Variants in CSPG5 observed in about 807,000 individuals in gnomAD.
CSPG5 encodes chondroitin sulfate proteoglycan 5, also known as acidic leucine-rich EGF-like domain-containing brain protein.
Under a neutral mutation model 39.8 loss-of-function variants are expected in CSPG5, and 25 were observed. The ratio of observed to expected loss-of-function variants is 0.63; its 90% CI spans 0.46 to 0.88. CSPG5 has a LOEUF of 0.88. CSPG5 is among the 40% of genes least tolerant of loss of function. The pLI is 0.00. For missense variants in CSPG5, 627 were observed against 702.2 expected (o/e 0.89, Z 1.21); for synonymous variants, 295 against 303.9 (o/e 0.97, Z 0.31).
chr3:47,576,723 G>A (rs2031751791), intron 2 of CSPG5, 110 bp downstream of exon 2: 1 of 1,265,238 alleles, frequency 7.9e-7, no homozygotes, highest in Non-Finnish European at 1.1e-6. Context: ...GCCTCCCAAA[G>A]TGCTGGGATT....
intron 4 of CSPG5, among the ~76,000 whole-genome samples, chr3:47,568,704 A>G (rs974068459): frequency 1.3e-5 from 2 of 152,294 alleles, no homozygotes; most frequent in African/African-American, 4.8e-5. Flanking sequence ...GAAGCTAAAA[A>G]TCATGAGTAA....
In CSPG5 at chr3:47,577,140, C is replaced by T; in HGVS notation, c.886G>A (p.Asp296Asn). The T allele has an allele frequency of 1.2e-6, 2 of 1,613,868 alleles. No individual in the cohort carries two copies. Among genetic ancestry groups the T allele is most frequent in the Non-Finnish European group, 1.7e-6 (2 of 1,179,938 alleles). The change falls in exon 2 of 5, where the codon GAT (aspartate) becomes AAT (asparagine). Residue 296 changes from aspartate to asparagine, a missense_variant. Physicochemically the swap from Asp to Asn is conservative, Grantham distance 23 (BLOSUM62 1). Coordinates refer to ENST00000264723, the MANE Select transcript of CSPG5 (RefSeq NM_006574.4). The surrounding 1 kb of genome is among the most constrained non-coding windows in gnomAD (Gnocchi z 4.7). ...GTGGGCACTAGAAGCTCATTTTCAT[C>T]TTCTAGGTCTCCACCTCCTACTGCA... ...KDAVGGGDLE[D>N]ENELLVPTGK... is the part of the protein sequence containing the mutation.
chr3:47,575,770 G>A (rs79745512), intron 2 of CSPG5, among the ~76,000 whole-genome samples: 1,546 of 151,860 alleles, frequency 0.01, 23 homozygotes, highest in African/African-American at 0.035. Flanking sequence ...CCCTCCTCCC[G>A]CCGAGCACAA....
chr3:47,578,994 C>A (rs1408240500), upstream of CSPG5: 1 of 152,858 alleles, frequency 6.5e-6, no homozygotes, highest in Non-Finnish European at 1.5e-5. This position sits in a 1 kb window ranked among gnomAD's most constrained non-coding sequence, Gnocchi z 6.0. Flanking sequence ...AACAGACAGA[C>A]CCCTCGCTGG....
Position 47,576,962 on chromosome 3 carries a change from T to G in CSPG5, c.1064A>C (p.Asn355Thr). 1 of 1,613,730 alleles carries G rather than the reference T, an allele frequency of 6.2e-7. No homozygotes were observed. Among genetic ancestry groups the G allele is most frequent in the South Asian group, 1.1e-5 (1 of 91,052 alleles). Reference protein sequence around the residue: ...EPGRDLASSENGTECRSGFVR... With the variant: ...EPGRDLASSETGTECRSGFVR... ...AAAGCCACTGCGGCACTCAGTGCCA[T>G]TTTCACTGGAGGCCAAGTCCCTGCC... The change falls in exon 2 of 5, where the codon AAT (asparagine) becomes ACT (threonine). Residue 355 changes from asparagine (N) to threonine (T), a missense_variant. Physicochemically the swap from Asn to Thr is moderately conservative, Grantham distance 65 (BLOSUM62 0). Transcript: ENST00000264723.
At position 47,577,045 on chromosome 3, in the gene CSPG5, G is replaced by T; in HGVS notation, c.981C>A (p.His327Gln). The T allele has an allele frequency of 3.1e-6, 5 of 1,613,542 alleles. No homozygotes were observed. The highest frequency in any genetic ancestry group is 4.2e-6 in the Non-Finnish European group (5 of 1,179,880). ...TGCTGCCGGGGACCGACCCCAGAGTGTGCTGTGGAGGGACAGCATGCCACC... is the reference window on the plus strand; with the variant it reads ...TGCTGCCGGGGACCGACCCCAGAGTTTGCTGTGGAGGGACAGCATGCCACC... The part of the protein sequence containing the change: ...TSRWHAVPPQ[H>Q]TLGSVPGSSI... Residue 327 changes from histidine to glutamine, a missense_variant, in exon 2 of 5, where the codon CAC (histidine) becomes CAA (glutamine). By Grantham distance (24) the His-to-Gln change is conservative. Coordinates refer to ENST00000264723, the MANE Select transcript of CSPG5 (RefSeq NM_006574.4). This position sits in a 1 kb window ranked among gnomAD's most constrained non-coding sequence, Gnocchi z 4.7.
rs1180428975 is a variant in CSPG5 at position 47,569,201 on chromosome 3, T to C, written c.1409A>G (p.His470Arg). 1 of 1,613,540 alleles carries C rather than the reference T, an allele frequency of 6.2e-7. No individual in the cohort carries two copies. The change falls in exon 4 of 5, where the codon CAC becomes CGC. Residue 470 changes from histidine (H) to arginine (R), a missense_variant. By Grantham distance (29) the His-to-Arg change is conservative. Transcript: ENST00000264723. ...TNKFRTPSEL[H>R]NDNFSLSTIA... is the part of the protein sequence containing the mutation. ...GGTGGAGAGGGAGAAGTTATCATTGTGGAGCTCAGATGGGGTCCGGAATTT... is the reference window on the plus strand; with the variant it reads ...GGTGGAGAGGGAGAAGTTATCATTGCGGAGCTCAGATGGGGTCCGGAATTT...
chr3:47,566,152 T>C (rs2031292171), intron 4 of CSPG5, among the ~76,000 whole-genome samples: 1 of 152,044 alleles, frequency 6.6e-6, no homozygotes, highest in African/African-American at 2.4e-5. Context: ...ATTGCGACAG[T>C]GTAGGAAAAT....
At position 47,577,932 on chromosome 3, in the gene CSPG5, C is replaced by T. The variant is rs1013823755; in HGVS notation, c.98-4G>A. On this transcript the variant is annotated splice_polypyrimidine_tract_variant and splice_region_variant and intron_variant, in intron 1 of 4. Coordinates refer to ENST00000264723, the MANE Select transcript of CSPG5 (RefSeq NM_006574.4). This position sits in a 1 kb window ranked among gnomAD's most constrained non-coding sequence, Gnocchi z 4.7. ...ACCGCGCTGCCCGCCTCACGCGCTG[C>T]GGGCGGGAGGGCAAGGGGCGGGACG... 1.4e-6 allele frequency: 2 copies of T among 1,420,754 alleles called. No homozygotes were observed. Among genetic ancestry groups the T allele is most frequent in the East Asian group, 2.8e-5 (1 of 36,012 alleles). The allele number at this position is 1,420,754 out of a possible 1,614,324, so 88.0% of individuals were successfully genotyped here.
rs199594550 is a variant in CSPG5, at chr3:47,577,027, G to A, written c.999C>T (p.Pro333=). Reference sequence around the variant, plus strand: ...GGGGCCTGAGGGCGATGCTGCTGCCGGGGACCGACCCCAGAGTGTGCTGTG... The same window carrying A: ...GGGGCCTGAGGGCGATGCTGCTGCCAGGGACCGACCCCAGAGTGTGCTGTG... ...VPPQHTLGSV[P]GSSIALRPRP... Residue 333 remains proline, a synonymous_variant, in exon 2 of 5, where the codon CCC becomes CCT. Coordinates refer to ENST00000264723, the MANE Select transcript of CSPG5 (RefSeq NM_006574.4). The surrounding 1 kb of genome is among the most constrained non-coding windows in gnomAD (Gnocchi z 4.7). The A allele has an allele frequency of 3.0e-5, 48 of 1,612,758 alleles. 2 individuals are homozygous for A. Among genetic ancestry groups the A allele is most frequent in the African/African-American group, 2.7e-4 (20 of 75,066 alleles).
intron 3 of CSPG5, 87 bp from the exon 4 acceptor site, chr3:47,569,314 T>C (rs889098049): frequency 5.6e-6 from 8 of 1,422,444 alleles, no homozygotes; most frequent in Admixed American, 1.9e-5. Context: ...GATCAAATAC[T>C]GTATTTCGGC....
intron 4 of CSPG5, among the ~76,000 whole-genome samples, chr3:47,564,187 C>T (rs1484211454): frequency 6.6e-6 from 1 of 152,176 alleles, no homozygotes; most frequent in East Asian, 1.9e-4. Context: ...TTCAAGATTA[C>T]CATCATGCTT....
At position 47,562,564 on chromosome 3, in the gene CSPG5, A is replaced by T; in HGVS notation, c.*36T>A. 1 of 1,011,856 alleles carries T rather than the reference A, an allele frequency of 9.9e-7. No homozygotes were observed. The highest frequency in any genetic ancestry group is 1.5e-6 in the Non-Finnish European group (1 of 675,432). 62.7% of individuals were successfully genotyped at this position (1,011,856 alleles called of 1,614,324 possible). ...GATAATGTTTCTTCCCCTACCCCCC[A>T]CCCACTACCCCCGCTTCCTCTCTTC... On this transcript the variant is annotated 3_prime_UTR_variant, in exon 5 of 5. Coordinates refer to ENST00000264723, the MANE Select transcript of CSPG5 (RefSeq NM_006574.4).
rs2108209766 is a variant in CSPG5 at position 47,577,312 on chromosome 3, G to A, written c.714C>T (p.His238=). The change falls in exon 2 of 5, where the codon CAC becomes CAT. Residue 238 remains histidine, a synonymous_variant. Coordinates refer to ENST00000264723, the MANE Select transcript of CSPG5 (RefSeq NM_006574.4). The surrounding 1 kb of genome is among the most constrained non-coding windows in gnomAD (Gnocchi z 4.7). ...FPGSPGTSEN[H]PDTEGETPSW... ...AAGGGGTCTCTCCCTCAGTATCAGGGTGGTTCTCTGAGGTTCCTGGTGACC... is the reference window on the plus strand; with the variant it reads ...AAGGGGTCTCTCCCTCAGTATCAGGATGGTTCTCTGAGGTTCCTGGTGACC... The A allele has an allele frequency of 1.9e-6, 3 of 1,613,900 alleles. No individual in the cohort carries two copies. The highest frequency in any genetic ancestry group is 2.5e-6 in the Non-Finnish European group (3 of 1,179,902).
Position 47,577,626 on chromosome 3 carries a change from G to T in CSPG5, c.400C>A (p.Leu134Ile). The T allele has an allele frequency of 6.2e-7, 1 of 1,610,648 alleles. No individual in the cohort carries two copies. The highest frequency in any genetic ancestry group is 8.5e-7 in the Non-Finnish European group (1 of 1,179,502). Reference protein sequence around the residue: ...PATLQAPHEVLGQSIMPPAIP... With the variant: ...PATLQAPHEVIGQSIMPPAIP... Reference sequence around the variant, plus strand: ...GCAGGGGGCATGATTGACTGCCCGAGGACCTCGTGGGGAGCCTGGAGCGTA... The same window carrying T: ...GCAGGGGGCATGATTGACTGCCCGATGACCTCGTGGGGAGCCTGGAGCGTA... The change falls in exon 2 of 5, where the codon CTC becomes ATC. Residue 134 changes from leucine (L) to isoleucine (I), a missense_variant. Coordinates refer to ENST00000264723, the MANE Select transcript of CSPG5 (RefSeq NM_006574.4). The surrounding 1 kb of genome is among the most constrained non-coding windows in gnomAD (Gnocchi z 4.7).
intron 4 of CSPG5, 23 bp downstream of exon 4, chr3:47,569,129 G>A (rs1352202326): frequency 1.9e-6 from 3 of 1,603,882 alleles, no homozygotes; most frequent in African/African-American, 1.3e-5. Context: ...GGAGGTACGG[G>A]GAGTGTTGCA....
chr3:47,576,732 T>C (rs2031751988), intron 2 of CSPG5, 101 bp downstream of exon 2: 6 of 1,346,652 alleles, frequency 4.5e-6, no homozygotes, highest in Non-Finnish European at 6.1e-6. Flanking sequence ...AGTGCTGGGA[T>C]TACAGGCGTG....
intron 4 of CSPG5, 100 bp downstream of exon 4, chr3:47,569,052 T>C (rs2031419462): frequency 6.8e-7 from 1 of 1,474,102 alleles, no homozygotes; most frequent in Non-Finnish European, 9.0e-7. Context: ...AGAGGAGAGA[T>C]GTGAAGAAAA....
Position 47,564,426 on chromosome 3 carries a change from T to C in CSPG5, c.1459-1665A>G, listed in dbSNP as rs2031210882. 2.6e-5 allele frequency among the ~76,000 whole-genome samples: 4 copies of C among 152,148 alleles called. No homozygotes were observed. The South Asian group carries it at 6.2e-4, about 24-fold the overall frequency. On this transcript the variant is annotated intron_variant, in intron 4 of 4. Coordinates refer to ENST00000264723, the MANE Select transcript of CSPG5 (RefSeq NM_006574.4). ...GCCCACTGCCCACAGCCTCACTCGG[T>C]GCTTCTCCAGAGGCCCAGATTAAGG...
Sources: gnomAD v4.1 joint callset for allele counts (sites outside exome capture counted in the v4.1 genomes callset) on GRCh38, gnomAD v4.1.1 for gene constraint, Gnocchi (gnomAD v3.1) non-coding constraint, MANE v1.5 for transcripts, NCBI Gene and HGNC (gene_info 2026-07-23, HGNC 2026-07-21) for gene names.